Variants in ANKRD42 observed in about 807,000 individuals in gnomAD.
The protein encoded by ANKRD42 is ankyrin repeat domain-containing protein 42.
ANKRD42 carries 43 observed loss-of-function variants against 51.5 expected under a neutral mutation model. The observed-to-expected ratio is 0.83, with a 90% CI of 0.65 to 1.08. The LOEUF is 1.08. Ranked by LOEUF, ANKRD42 falls within the 50% of genes least tolerant of loss-of-function variation. The pLI is 0.00. For synonymous variants in ANKRD42, 203 were observed against 213.0 expected (o/e 0.95, Z 0.41); for missense variants, 608 against 629.3 (o/e 0.97, Z 0.36).
chr11:83,261,780 T>C (rs1229063119), downstream of ANKRD42: 7 of 616,144 alleles, frequency 1.1e-5, no homozygotes, highest in Non-Finnish European at 1.4e-5. Context: ...AAACACTTCC[T>C]CTTTTAGTCC....
At chr11:83,251,047 C>T (rs746289738), downstream of ANKRD42, among the ~76,000 whole-genome samples, 1 of 152,150 alleles carries the variant, frequency 6.6e-6, no homozygotes, top group Non-Finnish European at 1.5e-5. Flanking sequence ...TTCAGTTTGA[C>T]ATTCAGCCTT....
At chr11:83,213,330 G>GGAAAGAGCT in intron 5 of ANKRD42, 1 of 1,583,528 alleles carries the variant, frequency 6.3e-7, no homozygotes, top group Non-Finnish European at 8.6e-7. Flanking sequence ...AAGCCATCGT[G>GGAAAGAGCT]GAAAGAGCTG....
At chr11:83,245,455 T>A in intron 9 of ANKRD42, 43 bp from the exon 10 acceptor site, 1 of 1,526,436 alleles carries the variant, frequency 6.6e-7, no homozygotes, top group African/African-American at 1.4e-5. Context: ...ACACATGAGC[T>A]GTTATATGTC....
At chr11:83,204,399 A>G (rs745485565) in intron 2 of ANKRD42, among the ~76,000 whole-genome samples, 3 of 152,206 alleles carry the variant, frequency 2.0e-5, no homozygotes, top group African/African-American at 4.8e-5. Flanking sequence ...GAAAAACCAC[A>G]TATTTTCACT....
intron 6 of ANKRD42, 57 bp downstream of exon 6, chr11:83,225,112 T>C (rs1469234508): frequency 3.2e-5 from 46 of 1,445,766 alleles, no homozygotes; most frequent in Non-Finnish European, 4.0e-5. Context: ...ATGATGATAA[T>C]ATAATGAGTA....
At chr11:83,203,268 G>A (rs770486916) in intron 2 of ANKRD42, among the ~76,000 whole-genome samples, 1 of 152,022 alleles carries the variant, frequency 6.6e-6, no homozygotes, top group Non-Finnish European at 1.5e-5. Context: ...AGGGATTACA[G>A]GTGTGAGCCA....
rs773517215 is a variant in ANKRD42, at chr11:83,213,100, G to C, written c.586+1670G>C. On this transcript the variant is annotated intron_variant, in intron 5 of 10. Transcript: ENST00000533342. Reference sequence around the variant, plus strand: ...AGACTGACTGATATGTCAAAATTAAGTGTAACTGGCAGAAACCCAGAGGTA... The same window carrying C: ...AGACTGACTGATATGTCAAAATTAACTGTAACTGGCAGAAACCCAGAGGTA... 5.0e-6 allele frequency: 8 copies of C among 1,601,130 alleles called. No homozygotes were observed. In the Admixed American group the frequency reaches 1.2e-4, roughly 23 times the overall value.
At chr11:83,221,094 C>G (rs1401281148) in intron 5 of ANKRD42, among the ~76,000 whole-genome samples, 1 of 151,062 alleles carries the variant, frequency 6.6e-6, no homozygotes, top group African/African-American at 2.4e-5. Flanking sequence ...TTTTTTTCTC[C>G]TATGACTGGG....
At chr11:83,219,478 G>T (rs1362060147) in intron 5 of ANKRD42, among the ~76,000 whole-genome samples, 1 of 152,174 alleles carries the variant, frequency 6.6e-6, no homozygotes, top group African/African-American at 2.4e-5. Flanking sequence ...GACAGGAGGC[G>T]TATAGTAAGT....
At chr11:83,247,124 T>G (rs1863564134) in intron 10 of ANKRD42, among the ~76,000 whole-genome samples, 1 of 152,050 alleles carries the variant, frequency 6.6e-6, no homozygotes, top group South Asian at 2.1e-4. Context: ...TGTAGATTTT[T>G]TTTTTTTTAG....
At chr11:83,242,862 C>T (rs1055070410) in intron 9 of ANKRD42, among the ~76,000 whole-genome samples, 8 of 151,990 alleles carry the variant, frequency 5.3e-5, no homozygotes, top group East Asian at 3.9e-4. Context: ...TGTGCCCGGC[C>T]GCACCACGTT....
rs142223820 is a variant in ANKRD42, at chr11:83,226,909, G to A, written c.788-838G>A. Among the ~76,000 whole-genome samples, 700 of 152,190 alleles carry A rather than the reference G, an allele frequency of 4.6e-3. 1 individual carries two copies. Among genetic ancestry groups the A allele is most frequent in the Admixed American group, 9.8e-3 (150 of 15,274 alleles). On this transcript the variant is annotated intron_variant, in intron 6 of 10. Transcript: ENST00000533342. The stretch of plus-strand genomic sequence containing the variant: ...ATTATTTAAAGTATATGGGAGGGAG[G>A]ATGTGCATAGGTTTATATGTAAATA...
chr11:83,204,052 C>T (rs940926112), intron 2 of ANKRD42, among the ~76,000 whole-genome samples: 4 of 152,170 alleles, frequency 2.6e-5, no homozygotes, highest in African/African-American at 4.8e-5. Flanking sequence ...AAGTGATTCT[C>T]CTGCCTCAGC....
chr11:83,261,587 T>A (rs1402820662), downstream of ANKRD42: 1 of 185,896 alleles, frequency 5.4e-6, no homozygotes, highest in Non-Finnish European at 1.1e-5. Flanking sequence ...CAAAATCCTG[T>A]ATGATTTACA....
intron 3 of ANKRD42, 42 bp downstream of exon 3, chr11:83,206,207 A>G: frequency 6.8e-7 from 1 of 1,464,810 alleles, no homozygotes; most frequent in South Asian, 1.2e-5. Flanking sequence ...TTACTTTAAC[A>G]TAGTTCTGTT....
At chr11:83,228,511 G>T (rs1188821153) in intron 7 of ANKRD42, among the ~76,000 whole-genome samples, 1 of 152,048 alleles carries the variant, frequency 6.6e-6, no homozygotes, top group East Asian at 1.9e-4. Flanking sequence ...TTACAGGCGT[G>T]AGCCACCATG....
chr11:83,248,184 C>T lies in ANKRD42; in HGVS notation c.1564C>T (p.Pro522Ser). 15 of 1,517,086 alleles carry T rather than the reference C, an allele frequency of 9.9e-6. No individual in the cohort carries two copies. The highest frequency in any genetic ancestry group is 1.3e-5 in the Non-Finnish European group (15 of 1,133,844). The allele number at this position is 1,517,086 out of a possible 1,614,324, so 94.0% of individuals were successfully genotyped here. The change falls in exon 11 of 11, where the codon CCT becomes TCT. Residue 522 changes from proline (P) to serine (S), a missense_variant. By Grantham distance (74) the Pro-to-Ser change is moderately conservative. Transcript: ENST00000533342. ...ALGWGSLDLN[P>S]GYSLF ...GGGCTGGGGCTCTTTGGACTTGAAT[C>T]CTGGCTATAGTCTTTTTTGATTTGG... is the stretch of plus-strand genomic sequence containing the variant.
chr11:83,232,692 T>C (rs1391879370), intron 7 of ANKRD42, among the ~76,000 whole-genome samples: 1 of 151,892 alleles, frequency 6.6e-6, no homozygotes, highest in African/African-American at 2.4e-5. Context: ...AGTGCTTTCA[T>C]ATTCACTATT....
chr11:83,210,979 A>G (rs114190912), intron 4 of ANKRD42, among the ~76,000 whole-genome samples: 2,957 of 152,310 alleles, frequency 0.019, 110 homozygotes, highest in African/African-American at 0.068. Flanking sequence ...CTCTGTTTAT[A>G]TTCTCAATGA....
Sources: gnomAD v4.1 joint callset for allele counts (sites outside exome capture counted in the v4.1 genomes callset) on GRCh38, gnomAD v4.1.1 for gene constraint, MANE v1.5 for transcripts, NCBI Gene and HGNC (gene_info 2026-07-23, HGNC 2026-07-21) for gene names.